Variants in CMTR1 observed in about 807,000 individuals in gnomAD.
CMTR1 encodes the protein cap-specific mRNA (nucleoside-2'-O-)-methyltransferase 1.
A neutral mutation model predicts 107.0 loss-of-function variants in CMTR1; 39 were observed. The ratio of observed to expected loss-of-function variants is 0.36; its 90% CI spans 0.28 to 0.48. CMTR1 has a LOEUF of 0.48. Among genes scored for constraint, CMTR1 ranks in the 20% least tolerant of loss-of-function variants. CMTR1 has a pLI of 0.99. For missense variants in CMTR1, 672 were observed against 1,064.9 expected, an observed-to-expected ratio of 0.63 and a Z score of 5.14; for synonymous variants, 366 against 379.5, an observed-to-expected ratio of 0.96 and a Z score of 0.41.
At position 37,460,447 on chromosome 6, in the gene CMTR1, C is replaced by T. The variant is rs1411013211; in HGVS notation, c.1095+763C>T. Among the ~76,000 whole-genome samples, 7 of 151,624 alleles carry T rather than the reference C, an allele frequency of 4.6e-5. No individual in the cohort carries two copies. The East Asian group carries it at 1.4e-3, about 29-fold the overall frequency. The stretch of plus-strand genomic sequence containing the variant: ...GAGTCTGATAGCGCTAATGAGGCAG[C>T]TGTTGCTGTGCGGCAGCTATAGAGT... On this transcript the variant is annotated intron_variant, in intron 10 of 23. Coordinates refer to ENST00000373451, the MANE Select transcript of CMTR1 (RefSeq NM_015050.3).
At chr6:37,465,480 T>G (rs1761488720) in intron 13 of CMTR1, among the ~76,000 whole-genome samples, 1 of 152,208 alleles carries the variant, frequency 6.6e-6, no homozygotes, top group African/African-American at 2.4e-5. Flanking sequence ...AACCCCTTTT[T>G]ATGTGCTTAT....
At chr6:37,479,439 G>A (rs1761811051) in intron 23 of CMTR1, among the ~76,000 whole-genome samples, 184 bp downstream of exon 23, 1 of 152,250 alleles carries the variant, frequency 6.6e-6, no homozygotes, top group South Asian at 2.1e-4. Flanking sequence ...GCTGGACCTG[G>A]GTAGAGCTGG....
chr6:37,426,624 C>G, the CMTR1 span, among the ~76,000 whole-genome samples: 11 of 151,918 alleles, frequency 7.2e-5, no homozygotes, highest in Non-Finnish European at 1.6e-4. Flanking sequence ...ACCTCTGTCT[C>G]CCAGGTTCAA....
intron 14 of CMTR1, among the ~76,000 whole-genome samples, 187 bp downstream of exon 14, chr6:37,471,264 T>C (rs1761618391): frequency 6.6e-6 from 1 of 152,210 alleles, no homozygotes; most frequent in Non-Finnish European, 1.5e-5. Flanking sequence ...CCAAATACTT[T>C]ACATTGTCTT....
upstream of CMTR1, among the ~76,000 whole-genome samples, chr6:37,430,388 T>TTATA (rs555476305): frequency 3.5e-5 from 5 of 141,466 alleles, no homozygotes; most frequent in African/African-American, 9.8e-5. Flanking sequence ...CTTGGGTATT[T>TTATA]TATATATATA....
In CMTR1 at chr6:37,478,425, A is replaced by C; in HGVS notation, c.2170A>C (p.Ile724Leu). The C allele has an allele frequency of 1.2e-6, 2 of 1,614,068 alleles. No homozygotes were observed. Among genetic ancestry groups the C allele is most frequent in the Non-Finnish European group, 1.7e-6 (2 of 1,179,946 alleles). ...KIFVRLEMKIIKGSSGTPKLS... is the reference protein window; with the variant it reads ...KIFVRLEMKILKGSSGTPKLS... ...GGAAATCAGGTTGGAGATGAAGATC[A>C]TCAAGGGCTCCAGTGGCACCCCAAA... The change falls in exon 22 of 24, where the codon ATC (isoleucine) becomes CTC (leucine). Residue 724 changes from isoleucine (I) to leucine (L), a missense_variant. This residue lies in a region of CMTR1 where 583 missense variants were observed against 968.4 expected (regional missense o/e 0.60). Transcript: ENST00000373451.
chr6:37,445,224 CA>C (rs972210565), intron 3 of CMTR1, among the ~76,000 whole-genome samples: 3 of 152,138 alleles, frequency 2.0e-5, no homozygotes, highest in Admixed American at 2.0e-4. Flanking sequence ...TTGTGGCTAC[CA>C]TAGGAATTCC....
rs190065000 is a variant in CMTR1 at position 37,481,189 on chromosome 6, A to G, written c.*1044A>G. 3.4e-5 allele frequency: 41 copies of G among 1,195,144 alleles called. No homozygotes were observed. The African/African-American group carries it at 6.2e-4, about 18-fold the overall frequency. 74.0% of individuals were successfully genotyped at this position (1,195,144 alleles called of 1,614,324 possible). On this transcript the variant is annotated 3_prime_UTR_variant, in exon 24 of 24. Transcript: ENST00000373451. The stretch of plus-strand genomic sequence containing the variant: ...TTTCCTTTATCTTGGCCGACAACAC[A>G]GAGAGGAGGGGGAGCTGGGCAGTAG...
Position 37,472,191 on chromosome 6 carries a change from A to G in CMTR1, c.1621-228A>G, listed in dbSNP as rs1457758204. On this transcript the variant is annotated intron_variant, in intron 15 of 23. Coordinates refer to ENST00000373451, the MANE Select transcript of CMTR1 (RefSeq NM_015050.3). This position sits in a 1 kb window ranked among gnomAD's most constrained non-coding sequence, Gnocchi z 4.1. ...GTGGCCCCTTGTAGCAGCACTGACA[A>G]CAGAGAGCCCCAGAGAAAAGGAAGT... Among the ~76,000 whole-genome samples, 1 of 152,112 alleles carries G rather than the reference A, an allele frequency of 6.6e-6. No individual in the cohort carries two copies. Among genetic ancestry groups the G allele is most frequent in the African/African-American group, 2.4e-5 (1 of 41,418 alleles).
At chr6:37,437,919 A>G (rs1274131328) in intron 2 of CMTR1, among the ~76,000 whole-genome samples, 1 of 152,212 alleles carries the variant, frequency 6.6e-6, no homozygotes, top group Non-Finnish European at 1.5e-5. Flanking sequence ...GGAAAGGACA[A>G]GTCCCAGGTA....
rs1771726335 is a variant in CMTR1, at chr6:37,443,895, G to A, written c.134-104G>A. The A allele has an allele frequency of 4.0e-6, 5 of 1,244,816 alleles. No individual in the cohort carries two copies. The Admixed American group carries it at 1.2e-4, about 30-fold the overall frequency. 77.1% of individuals were successfully genotyped at this position (1,244,816 alleles called of 1,614,324 possible). A position where few individuals can be genotyped will look rare whatever the true frequency, so the allele number is the denominator to read the frequency against. On this transcript the variant is annotated intron_variant, in intron 2 of 23. Coordinates refer to ENST00000373451, the MANE Select transcript of CMTR1 (RefSeq NM_015050.3). ...TTGGGTCATTTAATGAACTTTATATGTGCATTGTGTATACTGAACAGTAGT... is the reference window on the plus strand; with the variant it reads ...TTGGGTCATTTAATGAACTTTATATATGCATTGTGTATACTGAACAGTAGT...
chr6:37,465,585 A>G (rs1037042639), intron 13 of CMTR1, among the ~76,000 whole-genome samples: 1 of 152,170 alleles, frequency 6.6e-6, no homozygotes, highest in African/African-American at 2.4e-5. Flanking sequence ...TGCAGGAATT[A>G]TTTTACATTC....
At chr6:37,478,653 C>T (rs1761792375) in intron 22 of CMTR1, 132 bp downstream of exon 22, 1 of 699,524 alleles carries the variant, frequency 1.4e-6, no homozygotes, top group South Asian at 1.7e-5. Flanking sequence ...GCTGGCATTT[C>T]TCTGAGGCAT....
At chr6:37,437,054 G>A (rs180702912) in intron 2 of CMTR1, among the ~76,000 whole-genome samples, 56 of 152,258 alleles carry the variant, frequency 3.7e-4, no homozygotes, top group South Asian at 1.0e-3. Context: ...CATCGGTGTC[G>A]CTGTAGTCCA....
At position 37,480,679 on chromosome 6, in the gene CMTR1, A is replaced by G; in HGVS notation, c.*534A>G. On this transcript the variant is annotated 3_prime_UTR_variant, in exon 24 of 24. Coordinates refer to ENST00000373451, the MANE Select transcript of CMTR1 (RefSeq NM_015050.3). ...TTGAACTTACTCTGTTTTGATGCCAAATTGGAGACCATTTTCTTGTCTCCT... is the reference window on the plus strand; with the variant it reads ...TTGAACTTACTCTGTTTTGATGCCAGATTGGAGACCATTTTCTTGTCTCCT... 1 of 1,020,806 alleles carries G rather than the reference A, an allele frequency of 9.8e-7. No individual in the cohort carries two copies. Among genetic ancestry groups the G allele is most frequent in the South Asian group, 3.9e-5 (1 of 25,724 alleles). The allele number at this position is 1,020,806 out of a possible 1,614,324, so 63.2% of individuals were successfully genotyped here.
Position 37,453,043 on chromosome 6 carries a change from G to A in CMTR1, c.610-4G>A. ...TCACCTTGAGGTTCTGATTCTCTGG[G>A]CAGAGCGTGTTTGATGTCTTGGATG... On this transcript the variant is annotated splice_polypyrimidine_tract_variant and splice_region_variant and intron_variant, in intron 6 of 23. Coordinates refer to ENST00000373451, the MANE Select transcript of CMTR1 (RefSeq NM_015050.3). The A allele has an allele frequency of 6.2e-7, 1 of 1,613,936 alleles. No homozygotes were observed. The highest frequency in any genetic ancestry group is 8.5e-7 in the Non-Finnish European group (1 of 1,179,890).
intron 18 of CMTR1, 93 bp from the exon 19 acceptor site, chr6:37,475,228 G>C (rs1390687912): frequency 2.8e-5 from 27 of 973,946 alleles, no homozygotes; most frequent in Non-Finnish European, 3.6e-5. Context: ...TCCCCCAGCT[G>C]TAGGCAGAAT....
chr6:37,478,060 CCTT>C (rs1476671118), intron 21 of CMTR1, among the ~76,000 whole-genome samples: 1 of 152,174 alleles, frequency 6.6e-6, no homozygotes, highest in African/African-American at 2.4e-5. Flanking sequence ...AACTCAGTCT[CCTT>C]CTGGGTGTGC....
At position 37,477,560 on chromosome 6, in the gene CMTR1, C is replaced by T. The variant is rs769743978; in HGVS notation, c.2106-32C>T. On this transcript the variant is annotated intron_variant, in intron 20 of 23. Transcript: ENST00000373451. ...CTGGATGAGAATGTCCCCCAGGAAG[C>T]CTTTGTCTTGTCTCTGTCCCTCTAC... 1.1e-5 allele frequency: 17 copies of T among 1,605,320 alleles called. No individual in the cohort carries two copies. In the South Asian group the frequency reaches 1.9e-4, roughly 18 times the overall value.
Sources: gnomAD v4.1 joint callset for allele counts (sites outside exome capture counted in the v4.1 genomes callset) on GRCh38, gnomAD v4.1.1 for gene constraint, gnomAD v4.1.1 regional missense constraint, Gnocchi (gnomAD v3.1) non-coding constraint, MANE v1.5 for transcripts, NCBI Gene and HGNC (gene_info 2026-07-23, HGNC 2026-07-21) for gene names.